NCKAP1L: variants seen among roughly 807,000 people sequenced by gnomAD.
NCKAP1L encodes the protein nck-associated protein 1-like.
NCKAP1L carries 53 observed loss-of-function variants against 139.2 expected under a neutral mutation model. The observed-to-expected ratio is 0.38, with a 90% CI of 0.31 to 0.48. NCKAP1L has a LOEUF of 0.48. Among genes scored for constraint, NCKAP1L ranks in the 20% least tolerant of loss-of-function variants. The probability of loss-of-function intolerance (pLI) is 0.98; values close to 1 mark genes in which losing one functional copy is unlikely to be tolerated. For missense variants in NCKAP1L, 1,151 were observed against 1,381.9 expected (o/e 0.83, Z 2.65); for synonymous variants, 468 against 499.7 (o/e 0.94, Z 0.85).
At chr12:54,507,534 C>T (rs535687379) in intron 3 of NCKAP1L, among the ~76,000 whole-genome samples, 1 of 152,220 alleles carries the variant, frequency 6.6e-6, no homozygotes, top group South Asian at 2.1e-4. Context: ...TTTGAAGCTA[C>T]CTATTAGATA....
At chr12:54,540,645 C>G (rs146668887) in intron 30 of NCKAP1L, among the ~76,000 whole-genome samples, 1 of 152,294 alleles carries the variant, frequency 6.6e-6, no homozygotes, top group Non-Finnish European at 1.5e-5. Context: ...AATGTTAGTT[C>G]CTGCTGTCTG....
rs1461637886 is a variant in NCKAP1L at position 54,518,708 on chromosome 12, C to T, written c.1396C>T (p.Leu466Phe). The change falls in exon 14 of 31, where the codon CTC becomes TTC. Residue 466 changes from leucine (L) to phenylalanine (F), a missense_variant. By Grantham distance (22) the Leu-to-Phe change is conservative. Coordinates refer to ENST00000293373, the MANE Select transcript of NCKAP1L (RefSeq NM_005337.5). ...SIIMSSFVSILSSLNLKQVDN... is the reference protein window; with the variant it reads ...SIIMSSFVSIFSSLNLKQVDN... ...CATCATGTCCTCATTCGTCAGTATC[C>T]TCTCCTCTCTGAATCTCAAACAAGG... is the stretch of plus-strand genomic sequence containing the variant. 3 of 1,613,750 alleles carry T rather than the reference C, an allele frequency of 1.9e-6. No individual in the cohort carries two copies. Among genetic ancestry groups the T allele is most frequent in the Non-Finnish European group, 2.5e-6 (3 of 1,179,786 alleles).
At chr12:54,504,689 C>G (rs1039039240) in intron 3 of NCKAP1L, among the ~76,000 whole-genome samples, 2 of 152,194 alleles carry the variant, frequency 1.3e-5, no homozygotes, top group Non-Finnish European at 2.9e-5. Context: ...AGCTTTACCA[C>G]TTACAAACTG....
chr12:54,516,168 G>A, intron 9 of NCKAP1L, 71 bp from the exon 10 acceptor site: 2 of 1,528,108 alleles, frequency 1.3e-6, no homozygotes, highest in South Asian at 2.2e-5. Context: ...ACTCTCTGAG[G>A]ACTGGGAAGG....
At chr12:54,538,820 G>T in intron 29 of NCKAP1L, 64 bp from the exon 30 acceptor site, 1 of 1,230,652 alleles carries the variant, frequency 8.1e-7, no homozygotes. Context: ...TTAACTTCCT[G>T]CAGCCTGAGG....
At chr12:54,519,575 C>T (rs74810149) in intron 16 of NCKAP1L, among the ~76,000 whole-genome samples, 1 of 151,910 alleles carries the variant, frequency 6.6e-6, no homozygotes, top group Non-Finnish European at 1.5e-5. Context: ...TGAACCAGAG[C>T]TCTTCATCAA....
chr12:54,504,951 C>T (rs1183786960), intron 3 of NCKAP1L, among the ~76,000 whole-genome samples: 1 of 152,164 alleles, frequency 6.6e-6, no homozygotes, highest in Non-Finnish European at 1.5e-5. Context: ...TGAATTTCAG[C>T]TATATTCCAC....
intron 3 of NCKAP1L, among the ~76,000 whole-genome samples, chr12:54,507,255 T>C (rs1458840703): frequency 6.6e-6 from 1 of 152,114 alleles, no homozygotes; most frequent in Non-Finnish European, 1.5e-5. Context: ...GGGAAAGAAG[T>C]GTCTGCAATA....
intron 5 of NCKAP1L, 124 bp from the exon 6 acceptor site, chr12:54,509,545 T>C: frequency 4.3e-6 from 3 of 701,722 alleles, no homozygotes; most frequent in South Asian, 1.7e-5. Flanking sequence ...CAGTGTAGTA[T>C]GTATATCTTT....
rs1295465678 is a variant in NCKAP1L at position 54,536,979 on chromosome 12, A to G, written c.3109A>G (p.Ile1037Val). The change falls in exon 29 of 31, where the codon ATC becomes GTC. Residue 1037 changes from isoleucine (I) to valine (V), a missense_variant. Transcript: ENST00000293373. ...CAATATTCATTGCTTGACCAAAGCC[A>G]TCATCCAGGTGTCTGCTGCCCTCTT... ...NNNIHCLTKA[I>V]IQVSAALFTL... is the part of the protein sequence containing the mutation. The G allele has an allele frequency of 1.2e-6, 2 of 1,613,688 alleles. No individual in the cohort carries two copies. Among genetic ancestry groups the G allele is most frequent in the Non-Finnish European group, 1.7e-6 (2 of 1,179,708 alleles).
At chr12:54,521,086 G>A (rs752470268) in intron 17 of NCKAP1L, 33 bp from the exon 18 acceptor site, 2 of 1,613,304 alleles carry the variant, frequency 1.2e-6, no homozygotes, top group Middle Eastern at 1.7e-4. Context: ...TGCTGGTGAT[G>A]ACAGTCTCTT....
At chr12:54,500,456 C>A in intron 2 of NCKAP1L, 77 bp from the exon 3 acceptor site, 1 of 1,008,732 alleles carries the variant, frequency 9.9e-7, no homozygotes, top group South Asian at 1.3e-5. Context: ...TAGGTATAAC[C>A]ACTGTTCTTC....
In NCKAP1L at chr12:54,500,536, C is replaced by T. The variant is rs117605527; in HGVS notation, c.217C>T (p.His73Tyr). The stretch of plus-strand genomic sequence containing the variant: ...TTTTGTTTTGTGTTTCTCTCAGCAA[C>T]ATTTAGGACCAGTACATCGTGAAAA... ...PNIDVRNSTQ[H>Y]LGPVHREKAE... Residue 73 changes from histidine (H) to tyrosine (Y), a missense_variant, in exon 3 of 31, where the codon CAT becomes TAT. Transcript: ENST00000293373. 1.2e-4 allele frequency: 191 copies of T among 1,607,772 alleles called. No individual in the cohort carries two copies. The East Asian group carries it at 3.9e-3, about 33-fold the overall frequency.
intron 5 of NCKAP1L, among the ~76,000 whole-genome samples, chr12:54,509,095 G>A (rs902876913): frequency 1.3e-5 from 2 of 152,150 alleles, no homozygotes; most frequent in African/African-American, 4.8e-5. Flanking sequence ...ATCCATTAGA[G>A]GTAACTAATG....
At position 54,512,070 on chromosome 12, in the gene NCKAP1L, C is replaced by T; in HGVS notation, c.906C>T (p.His302=). ...TLIREDVLQV[H]KVTEDLFSSL... ...TCCGTGAGGATGTGCTGCAGGTGCACAAAGTCACCGAGGACCTGTTTAGCA... is the reference window on the plus strand; with the variant it reads ...TCCGTGAGGATGTGCTGCAGGTGCATAAAGTCACCGAGGACCTGTTTAGCA... Residue 302 remains histidine (H), a synonymous_variant, in exon 9 of 31, where the codon CAC becomes CAT. Coordinates refer to ENST00000293373, the MANE Select transcript of NCKAP1L (RefSeq NM_005337.5). 6.2e-7 allele frequency: 1 copy of T among 1,614,168 alleles called. No individual in the cohort carries two copies. The highest frequency in any genetic ancestry group is 8.5e-7 in the Non-Finnish European group (1 of 1,180,022).
In NCKAP1L at chr12:54,526,564, C is replaced by G; in HGVS notation, c.2193C>G (p.Thr731=). Residue 731 remains threonine (T), a synonymous_variant, in exon 21 of 31, where the codon ACC becomes ACG. Coordinates refer to ENST00000293373, the MANE Select transcript of NCKAP1L (RefSeq NM_005337.5). ...IVWLAGYNAT[T]QEIVRPSELL... is the part of the protein sequence containing the mutation. Reference sequence around the variant, plus strand: ...GGCTGGCTGGCTACAATGCCACGACCCAGGAGATCGTACGGCCTTCTGAGC... The same window carrying G: ...GGCTGGCTGGCTACAATGCCACGACGCAGGAGATCGTACGGCCTTCTGAGC... 1 of 1,613,984 alleles carries G rather than the reference C, an allele frequency of 6.2e-7. No individual in the cohort carries two copies. Among genetic ancestry groups the G allele is most frequent in the Non-Finnish European group, 8.5e-7 (1 of 1,180,008 alleles).
intron 20 of NCKAP1L, among the ~76,000 whole-genome samples, chr12:54,524,575 G>A (rs556297994): frequency 6.6e-6 from 1 of 152,244 alleles, no homozygotes; most frequent in Non-Finnish European, 1.5e-5. Context: ...CAGCACTTCT[G>A]TGTTTTCTTT....
Position 54,538,170 on chromosome 12 carries a change from C to A in NCKAP1L, c.3184-714C>A, listed in dbSNP as rs374062140. Among the ~76,000 whole-genome samples the A allele has an allele frequency of 6.6e-5, 10 of 152,228 alleles. 1 individual carries two copies. Among genetic ancestry groups the A allele is most frequent in the Admixed American group, 5.9e-4 (9 of 15,286 alleles). On this transcript the variant is annotated intron_variant, in intron 29 of 30. Transcript: ENST00000293373. Reference sequence around the variant, plus strand: ...TCATATTGTTCTCTCAGGAATTATACCCTCATTCTGAGAAGTACATGTCAG... The same window carrying A: ...TCATATTGTTCTCTCAGGAATTATAACCTCATTCTGAGAAGTACATGTCAG...
In NCKAP1L at chr12:54,545,234, A is replaced by G. The variant is rs1957189276; in HGVS notation, c.*2549A>G. Reference sequence around the variant, plus strand: ...ATTTCTCTACCACTTATACTTTTTCAAAGTGCTTTCACATCCTTATAGCAA... The same window carrying G: ...ATTTCTCTACCACTTATACTTTTTCGAAGTGCTTTCACATCCTTATAGCAA... On this transcript the variant is annotated 3_prime_UTR_variant, in exon 31 of 31. Coordinates refer to ENST00000293373, the MANE Select transcript of NCKAP1L (RefSeq NM_005337.5). 6.6e-6 allele frequency: 1 copy of G among 152,174 alleles called. No homozygotes were observed. The highest frequency in any genetic ancestry group is 2.4e-5 in the African/African-American group (1 of 41,442). The allele number at this position is 152,174 out of a possible 1,614,324, so 9.4% of individuals were successfully genotyped here.
Sources: gnomAD v4.1 joint callset for allele counts (sites outside exome capture counted in the v4.1 genomes callset) on GRCh38, gnomAD v4.1.1 for gene constraint, MANE v1.5 for transcripts, NCBI Gene and HGNC (gene_info 2026-07-23, HGNC 2026-07-21) for gene names.